COL10A1: variants seen among roughly 807,000 people sequenced by gnomAD.
COL10A1 encodes the protein collagen alpha-1(X) chain.
In COL10A1, 10 loss-of-function variants were observed where a neutral mutation model predicts 18.2. That is an observed-to-expected ratio of 0.55 (90% CI 0.34 to 0.93). COL10A1 has a LOEUF of 0.93. COL10A1 is among the 40% of genes least tolerant of loss of function. COL10A1 has a pLI of 0.02. For missense variants in COL10A1, 897 were observed against 853.5 expected (o/e 1.05, Z -0.64); for synonymous variants, 330 against 316.6 (o/e 1.04, Z -0.45).
the COL10A1 span, among the ~76,000 whole-genome samples, chr6:116,200,393 G>A: frequency 4.6e-5 from 7 of 151,876 alleles, no homozygotes; most frequent in African/African-American, 1.7e-4. Context: ...AATGAAGTGA[G>A]GACTTTAGTT....
upstream of COL10A1, among the ~76,000 whole-genome samples, chr6:116,161,724 C>T (rs59949508): frequency 0.034 from 5,242 of 152,078 alleles, 280 homozygotes; most frequent in African/African-American, 0.11. Context: ...CTTATGGGTT[C>T]CATATGAATT....
chr6:116,142,845 A>T (rs1041868757), intron 1 of COL10A1, among the ~76,000 whole-genome samples: 2 of 152,154 alleles, frequency 1.3e-5, no homozygotes, highest in Admixed American at 6.5e-5. Context: ...TCGTGTTCTG[A>T]TGCCTTCATT....
the COL10A1 span, among the ~76,000 whole-genome samples, chr6:116,174,581 A>G: frequency 6.6e-6 from 1 of 152,234 alleles, no homozygotes; most frequent in Non-Finnish European, 1.5e-5. Flanking sequence ...AAAAGTAATG[A>G]AAAAGAAAAA....
At chr6:116,195,382 T>C in the COL10A1 span, among the ~76,000 whole-genome samples, 1 of 152,192 alleles carries the variant, frequency 6.6e-6, no homozygotes, top group East Asian at 1.9e-4. Flanking sequence ...CTATTAAGTT[T>C]ACCTTAACTT....
chr6:116,176,540 G>A, the COL10A1 span, among the ~76,000 whole-genome samples: 22 of 152,260 alleles, frequency 1.4e-4, no homozygotes, highest in African/African-American at 4.3e-4. Context: ...TCTTAGAGCA[G>A]TAGAAATTCT....
Position 116,119,920 on chromosome 6 carries a change from G to A in COL10A1, c.*153C>T. On this transcript the variant is annotated 3_prime_UTR_variant, in exon 3 of 3. Transcript: ENST00000651968. ...TTTTTACGTTGCTGCTCACTTTTCA[G>A]GGGGAAGGTTTGTTGGTCTGATAGC... 1 of 735,014 alleles carries A rather than the reference G, an allele frequency of 1.4e-6. No homozygotes were observed. The highest frequency in any genetic ancestry group is 2.3e-6 in the Non-Finnish European group (1 of 432,578). The allele number at this position is 735,014 out of a possible 1,614,324, so 45.5% of individuals were successfully genotyped here.
the COL10A1 span, among the ~76,000 whole-genome samples, chr6:116,177,586 A>G: frequency 2.0e-5 from 3 of 152,208 alleles, no homozygotes; most frequent in Non-Finnish European, 4.4e-5. Flanking sequence ...GAAGTAAAAT[A>G]TTAACAGTTG....
At chr6:116,174,459 C>T in the COL10A1 span, among the ~76,000 whole-genome samples, 1 of 152,178 alleles carries the variant, frequency 6.6e-6, no homozygotes, top group Non-Finnish European at 1.5e-5. Context: ...AAATAACCAA[C>T]TTAAATTATG....
chr6:116,125,594 A>T, intron 1 of COL10A1, 87 bp from the exon 2 acceptor site: 1 of 1,192,716 alleles, frequency 8.4e-7, no homozygotes, highest in South Asian at 1.3e-5. Context: ...TTCTTTATAC[A>T]GTTATCTACT....
At chr6:116,205,598 T>C in the COL10A1 span, among the ~76,000 whole-genome samples, 1 of 148,154 alleles carries the variant, frequency 6.7e-6, no homozygotes, top group Non-Finnish European at 1.5e-5. Context: ...GTGGAATAAA[T>C]TGGGGGGGAA....
chr6:116,185,206 T>C, the COL10A1 span, among the ~76,000 whole-genome samples: 1 of 152,128 alleles, frequency 6.6e-6, no homozygotes, highest in South Asian at 2.1e-4. Context: ...TCCAATTTTA[T>C]CCACTATGGT....
the COL10A1 span, among the ~76,000 whole-genome samples, chr6:116,181,394 A>G: frequency 6.6e-6 from 1 of 152,136 alleles, no homozygotes; most frequent in Non-Finnish European, 1.5e-5. Context: ...AATTTATGAT[A>G]TTAGCAAATA....
chr6:116,196,224 A>C, the COL10A1 span, among the ~76,000 whole-genome samples: 1 of 151,980 alleles, frequency 6.6e-6, no homozygotes, highest in Non-Finnish European at 1.5e-5. Flanking sequence ...CCCAGCAATG[A>C]CCTTCAGGAA....
chr6:116,128,579 C>T (rs560904636), upstream of COL10A1, among the ~76,000 whole-genome samples: 1 of 152,210 alleles, frequency 6.6e-6, no homozygotes, highest in South Asian at 2.1e-4. Context: ...ATCTGTGGAT[C>T]GTTAATTAAT....
chr6:116,120,496 A>C lies in COL10A1; in HGVS notation c.1620T>G (p.Val540=). The C allele has an allele frequency of 6.2e-7, 1 of 1,614,236 alleles. No individual in the cohort carries two copies. Residue 540 remains valine, a synonymous_variant, in exon 3 of 3, where the codon GTT becomes GTG. Transcript: ENST00000651968. The part of the protein sequence containing the change: ...QRPSLSGTPL[V]SANQGVTGMP... ...TTCCTGTTACCCCCTGGTTGGCACT[A>C]ACAAGAGGGGTCCCAGAAAGACTGG... is the stretch of plus-strand genomic sequence containing the variant.
chr6:116,178,097 G>A, the COL10A1 span, among the ~76,000 whole-genome samples: 59 of 103,994 alleles, frequency 5.7e-4, no homozygotes, highest in Admixed American at 2.3e-3. Flanking sequence ...GTGCGCGCGC[G>A]CGCGCGTGCG....
At chr6:116,182,222 A>AGAGAGAGAGTGTGTGTGTGTGTGT in the COL10A1 span, among the ~76,000 whole-genome samples, 71 of 124,684 alleles carry the variant, frequency 5.7e-4, no homozygotes, top group South Asian at 2.6e-3. Context: ...TTCCATGGAG[A>AGAGAGAGAGTGTGTGTGTGTGTGT]GTGTGTGTGT....
chr6:116,206,120 T>C, the COL10A1 span, among the ~76,000 whole-genome samples: 1 of 152,024 alleles, frequency 6.6e-6, no homozygotes, highest in African/African-American at 2.4e-5. Context: ...TTTCAAAATA[T>C]GTTTTGAAGG....
the COL10A1 span, among the ~76,000 whole-genome samples, chr6:116,199,089 C>T: frequency 6.6e-6 from 1 of 151,974 alleles, no homozygotes; most frequent in Non-Finnish European, 1.5e-5. Context: ...CCTCCACCCA[C>T]CAGAAATTGC....
Sources: gnomAD v4.1 joint callset for allele counts (sites outside exome capture counted in the v4.1 genomes callset) on GRCh38, gnomAD v4.1.1 for gene constraint, MANE v1.5 for transcripts, NCBI Gene and HGNC (gene_info 2026-07-23, HGNC 2026-07-21) for gene names.